Variants in HFE observed in about 807,000 individuals in gnomAD.
The protein encoded by HFE is hereditary hemochromatosis protein.
A neutral mutation model predicts 40.9 loss-of-function variants in HFE; 36 were observed. That is an observed-to-expected ratio of 0.88 (90% confidence interval 0.67 to 1.16). The LOEUF (loss-of-function observed/expected upper bound fraction) is 1.16. HFE is among the 50% of genes most tolerant of loss of function. HFE has a pLI of 0.00. For synonymous variants in HFE, 157 were observed against 165.4 expected (o/e 0.95, Z 0.39); for missense variants, 376 against 432.0 (o/e 0.87, Z 1.15).
chr6:26,096,527 G>A lies in HFE; in HGVS notation c.*2301G>A, dbSNP rs1177158685. The A allele has an allele frequency of 1.3e-5, 6 of 456,500 alleles. No homozygotes were observed. The highest frequency in any genetic ancestry group is 6.9e-5 in the East Asian group (1 of 14,396). The allele number at this position is 456,500 out of a possible 1,614,324, so 28.3% of individuals were successfully genotyped here. A position where few individuals can be genotyped will look rare whatever the true frequency, so the allele number is the denominator to read the frequency against. ...TGCATAAATGTGGTACAAGCATTCTGTCTTGAAGGGCAGGTGCTTCAGGAT... is the reference window on the plus strand; with the variant it reads ...TGCATAAATGTGGTACAAGCATTCTATCTTGAAGGGCAGGTGCTTCAGGAT... On this transcript the variant is annotated 3_prime_UTR_variant, in exon 6 of 6. Coordinates refer to ENST00000357618, the MANE Select transcript of HFE (RefSeq NM_000410.4).
At chr6:26,091,624 A>G in intron 3 of HFE, 35 bp downstream of exon 3, 1 of 1,608,226 alleles carries the variant, frequency 6.2e-7, no homozygotes, top group Non-Finnish European at 8.5e-7. Context: ...CCTATACTCT[A>G]GTGGCAGAGT....
chr6:26,092,805 T>C lies in HFE; in HGVS notation c.737T>C (p.Met246Thr), dbSNP rs1174975075. 1.9e-6 allele frequency: 3 copies of C among 1,614,164 alleles called. No homozygotes were observed. The highest frequency in any genetic ancestry group is 2.2e-5 in the East Asian group (1 of 44,882). ...AAGTGGCTGAAGGATAAGCAGCCAA[T>C]GGATGCCAAGGAGTTCGAACCTAAA... ...TMKWLKDKQPMDAKEFEPKDV... is the reference protein window; with the variant it reads ...TMKWLKDKQPTDAKEFEPKDV... The change falls in exon 4 of 6, where the codon ATG becomes ACG. Residue 246 changes from methionine (M) to threonine (T), a missense_variant. Around this residue, in one of 3 missense-constraint regions of HFE, gnomAD observed 173 missense variants for 186.9 expected, o/e 0.93. Coordinates refer to ENST00000357618, the MANE Select transcript of HFE (RefSeq NM_000410.4).
Position 26,096,974 on chromosome 6 carries a change from C to T in HFE, c.*2748C>T, listed in dbSNP as rs942844622. 9 of 215,044 alleles carry T rather than the reference C, an allele frequency of 4.2e-5. No individual in the cohort carries two copies. Among genetic ancestry groups the T allele is most frequent in the African/African-American group, 2.1e-4 (9 of 41,964 alleles). The allele number at this position is 215,044 out of a possible 1,614,324, so 13.3% of individuals were successfully genotyped here. ...ATTCAACTGTGGTAGCCGAATTAAT[C>T]GTGTTTCTTCACTCTAGGGACATTG... On this transcript the variant is annotated 3_prime_UTR_variant, in exon 6 of 6. Transcript: ENST00000357618.
chr6:26,090,442 C>CAAAAAAAAAAAAAA (rs56267433), intron 1 of HFE, among the ~76,000 whole-genome samples: 1 of 36,728 alleles, frequency 2.7e-5, no homozygotes, highest in Admixed American at 4.5e-4. Context: ...GACTCTGTCT[C>CAAAAAAAAAAAAAA]AAAAAAAAAA....
In HFE at chr6:26,098,081, C is replaced by T. The variant is rs1195573508; in HGVS notation, c.*3855C>T. 6.6e-6 allele frequency: 1 copy of T among 152,172 alleles called. No homozygotes were observed. Among genetic ancestry groups the T allele is most frequent in the Admixed American group, 6.6e-5 (1 of 15,266 alleles). The allele number at this position is 152,172 out of a possible 1,614,324, so 9.4% of individuals were successfully genotyped here. ...TTTCCTTTTTTGCATCAGCGATTAA[C>T]TTCTACACTCTAACATGTAGAATGT... On this transcript the variant is annotated 3_prime_UTR_variant, in exon 6 of 6. Coordinates refer to ENST00000357618, the MANE Select transcript of HFE (RefSeq NM_000410.4).
intron 1 of HFE, among the ~76,000 whole-genome samples, chr6:26,090,390 C>CTGAGATTG (rs1185290956): frequency 1.6e-5 from 2 of 123,482 alleles, no homozygotes; most frequent in East Asian, 5.6e-4. Flanking sequence ...TTGCAGTGAG[C>CTGAGATTG]TGAGATTGTG....
At position 26,094,270 on chromosome 6, in the gene HFE, G is replaced by C; in HGVS notation, c.*44G>C. On this transcript the variant is annotated 3_prime_UTR_variant, in exon 6 of 6. Transcript: ENST00000357618. ...ACTGTGGGAAGGAGACAAAACTAGAGACTCAAAGAGGGAGTGCATTTATGA... is the reference window on the plus strand; with the variant it reads ...ACTGTGGGAAGGAGACAAAACTAGACACTCAAAGAGGGAGTGCATTTATGA... The C allele has an allele frequency of 6.3e-7, 1 of 1,575,404 alleles. No homozygotes were observed.
At position 26,092,970 on chromosome 6, in the gene HFE, T is replaced by A; in HGVS notation, c.892+10T>A. The A allele has an allele frequency of 6.2e-7, 1 of 1,613,964 alleles. No homozygotes were observed. The highest frequency in any genetic ancestry group is 1.3e-5 in the African/African-American group (1 of 75,030). ...CTCATTGTGATCTGGGGTATGTGAC[T>A]GATGAGAGCCAGGAGCTGAGAAAAT... On this transcript the variant is annotated intron_variant, in intron 4 of 5. Transcript: ENST00000357618.
chr6:26,092,517 C>G, intron 3 of HFE, 168 bp from the exon 4 acceptor site: 2 of 1,102,456 alleles, frequency 1.8e-6, no homozygotes, highest in Non-Finnish European at 1.3e-6. Flanking sequence ...CCAAGTGACA[C>G]TGTGTTAGAG....
chr6:26,093,749 G>A (rs1342291438), intron 5 of HFE, among the ~76,000 whole-genome samples: 1 of 151,890 alleles, frequency 6.6e-6, no homozygotes, highest in Non-Finnish European at 1.5e-5. Flanking sequence ...AGAGTATAAG[G>A]CATACTGGGA....
At position 26,094,434 on chromosome 6, in the gene HFE, T is replaced by C; in HGVS notation, c.*208T>C. 1.4e-6 allele frequency: 1 copy of C among 705,534 alleles called. No individual in the cohort carries two copies. Among genetic ancestry groups the C allele is most frequent in the Non-Finnish European group, 2.6e-6 (1 of 386,746 alleles). The allele number at this position is 705,534 out of a possible 1,614,324, so 43.7% of individuals were successfully genotyped here. On this transcript the variant is annotated 3_prime_UTR_variant, in exon 6 of 6. Transcript: ENST00000357618. ...TGAGTTCCTGCATGCCGGTGATCCC[T>C]AGCTGTGACCTCTCCCCTGGAACTG...
In HFE at chr6:26,096,652, G is replaced by A. The variant is rs934262402; in HGVS notation, c.*2426G>A. 2.3e-6 allele frequency: 1 copy of A among 442,826 alleles called. No homozygotes were observed. 27.4% of individuals were successfully genotyped at this position (442,826 alleles called of 1,614,324 possible). On this transcript the variant is annotated 3_prime_UTR_variant, in exon 6 of 6. Transcript: ENST00000357618. ...ATTTTCTTTTTTTGTGGTTAGAAAA[G>A]TTATGTAGAAAAAAGTAAATGTGAT...
chr6:26,093,724 A>G (rs1276386530), intron 5 of HFE, among the ~76,000 whole-genome samples: 1 of 152,002 alleles, frequency 6.6e-6, no homozygotes, highest in Non-Finnish European at 1.5e-5. Context: ...AGACGGAGCA[A>G]CCATGCCAAG....
chr6:26,091,090 A>G lies in HFE; in HGVS notation c.326A>G (p.His109Arg), dbSNP rs557701798. 1 of 1,614,218 alleles carries G rather than the reference A, an allele frequency of 6.2e-7. No homozygotes were observed. The highest frequency in any genetic ancestry group is 8.5e-7 in the Non-Finnish European group (1 of 1,180,040). Residue 109 changes from histidine (H) to arginine (R), a missense_variant, in exon 2 of 6, where the codon CAC becomes CGC. Physicochemically the swap from His to Arg is conservative, Grantham distance 29. Coordinates refer to ENST00000357618, the MANE Select transcript of HFE (RefSeq NM_000410.4). ...GACTTCTGGACTATTATGGAAAATCACAACCACAGCAAGGGTATGTGGAGA... is the reference window on the plus strand; with the variant it reads ...GACTTCTGGACTATTATGGAAAATCGCAACCACAGCAAGGGTATGTGGAGA... ...TVDFWTIMEN[H>R]NHSKESHTLQ... is the part of the protein sequence containing the mutation.
intron 1 of HFE, among the ~76,000 whole-genome samples, chr6:26,087,938 C>T (rs1271892667): frequency 6.6e-6 from 1 of 152,230 alleles, no homozygotes; most frequent in East Asian, 1.9e-4. Flanking sequence ...TCCCTGAGTG[C>T]TTGCCGAGAA....
At chr6:26,092,530 C>T in intron 3 of HFE, 155 bp from the exon 4 acceptor site, 1 of 1,328,012 alleles carries the variant, frequency 7.5e-7, no homozygotes, top group Non-Finnish European at 1.1e-6. Flanking sequence ...TGTTAGAGTC[C>T]AATCTTAGGA....
rs569199586 is a variant in HFE at position 26,094,685 on chromosome 6, C to T, written c.*459C>T. 1,491 of 537,458 alleles carry T rather than the reference C, an allele frequency of 2.8e-3. 42 individuals are homozygous for T. Among genetic ancestry groups the T allele is most frequent in the South Asian group, 0.027 (1,272 of 46,872 alleles). The allele number at this position is 537,458 out of a possible 1,614,324, so 33.3% of individuals were successfully genotyped here. On this transcript the variant is annotated 3_prime_UTR_variant, in exon 6 of 6. Coordinates refer to ENST00000357618, the MANE Select transcript of HFE (RefSeq NM_000410.4). ...CATGTATCTATGCATTTTCTGGACC[C>T]GTTCAACTTTTCCTTTGAATCCTCT...
In HFE at chr6:26,097,012, T is replaced by A. The variant is rs1393273138; in HGVS notation, c.*2786T>A. On this transcript the variant is annotated 3_prime_UTR_variant, in exon 6 of 6. Transcript: ENST00000357618. ...TCTAGGGACATTGTCGTCTAAGTTGTAAGACATTGGTTATTTTACCAGCAA... is the reference window on the plus strand; with the variant it reads ...TCTAGGGACATTGTCGTCTAAGTTGAAAGACATTGGTTATTTTACCAGCAA... The A allele has an allele frequency of 1.1e-5, 2 of 180,622 alleles. No homozygotes were observed. The highest frequency in any genetic ancestry group is 2.3e-5 in the Non-Finnish European group (2 of 85,646). The allele number at this position is 180,622 out of a possible 1,614,324, so 11.2% of individuals were successfully genotyped here. A position where few individuals can be genotyped will look rare whatever the true frequency, so the allele number is the denominator to read the frequency against.
chr6:26,091,451 C>T lies in HFE; in HGVS notation c.478C>T (p.Pro160Ser), dbSNP rs773142591. 1 of 1,614,106 alleles carries T rather than the reference C, an allele frequency of 6.2e-7. No individual in the cohort carries two copies. Residue 160 changes from proline to serine, a missense_variant, in exon 3 of 6, where the codon CCC (proline) becomes TCC (serine). Coordinates refer to ENST00000357618, the MANE Select transcript of HFE (RefSeq NM_000410.4). The stretch of plus-strand genomic sequence containing the variant: ...CACACTGGATTGGAGAGCAGCAGAA[C>T]CCAGGGCCTGGCCCACCAAGCTGGA... ...PDTLDWRAAEPRAWPTKLEWE... is the reference protein window; with the variant it reads ...PDTLDWRAAESRAWPTKLEWE...
Sources: gnomAD v4.1 joint callset for allele counts (sites outside exome capture counted in the v4.1 genomes callset) on GRCh38, gnomAD v4.1.1 for gene constraint, gnomAD v4.1.1 regional missense constraint, MANE v1.5 for transcripts, NCBI Gene and HGNC (gene_info 2026-07-23, HGNC 2026-07-21) for gene names.